OPCML: variants seen among roughly 807,000 people sequenced by gnomAD.
OPCML encodes opioid binding protein/cell adhesion molecule like.
In OPCML, 13 loss-of-function variants were observed where a neutral mutation model predicts 37.8. The ratio of observed to expected loss-of-function variants is 0.34; its 90% CI spans 0.22 to 0.55. The LOEUF (loss-of-function observed/expected upper bound fraction) is 0.55, where lower values mean the gene tolerates loss of function less well. Among genes scored for constraint, OPCML ranks in the 20% least tolerant of loss-of-function variants. The probability of loss-of-function intolerance (pLI) is 0.91; values close to 1 mark genes in which losing one functional copy is unlikely to be tolerated. For synonymous variants in OPCML, 176 were observed against 168.8 expected, an observed-to-expected ratio of 1.04 and a Z score of -0.33; for missense variants, 341 against 435.6, an observed-to-expected ratio of 0.78 and a Z score of 1.93.
intron 1 of OPCML, among the ~76,000 whole-genome samples, chr11:132,969,698 C>T (rs1160614069): frequency 1.3e-5 from 2 of 152,036 alleles, no homozygotes; most frequent in Non-Finnish European, 1.5e-5. Flanking sequence ...TATTACTGAG[C>T]CCCTCTCATA....
chr11:133,221,273 G>A (rs1939812022), intron 1 of OPCML, among the ~76,000 whole-genome samples: 2 of 152,290 alleles, frequency 1.3e-5, no homozygotes, highest in East Asian at 1.9e-4. Context: ...GAGTGACTTG[G>A]TCGAAGCAGG....
intron 1 of OPCML, among the ~76,000 whole-genome samples, chr11:132,996,317 A>G (rs895494853): frequency 6.6e-6 from 1 of 152,120 alleles, no homozygotes; most frequent in Non-Finnish European, 1.5e-5. Context: ...AAAGAGGGAT[A>G]AAGATTAAAA....
At chr11:132,601,148 C>A (rs1273296889) in intron 3 of OPCML, among the ~76,000 whole-genome samples, 2 of 152,082 alleles carry the variant, frequency 1.3e-5, no homozygotes, top group Non-Finnish European at 2.9e-5. Context: ...ACAAAAAATT[C>A]TGTAGCACCA....
At chr11:132,783,769 T>A (rs754055914) in intron 2 of OPCML, among the ~76,000 whole-genome samples, 2 of 152,194 alleles carry the variant, frequency 1.3e-5, no homozygotes, top group Non-Finnish European at 2.9e-5. Context: ...ATTAAAAATC[T>A]AAGTGAGACA....
intron 1 of OPCML, among the ~76,000 whole-genome samples, chr11:133,149,439 C>T (rs750955281): frequency 6.6e-6 from 1 of 152,204 alleles, no homozygotes; most frequent in Non-Finnish European, 1.5e-5. Flanking sequence ...CAGGCAACTG[C>T]TAGGCTTCCC....
chr11:132,850,471 G>A (rs1433414985), intron 2 of OPCML, among the ~76,000 whole-genome samples: 1 of 151,960 alleles, frequency 6.6e-6, no homozygotes, highest in Non-Finnish European at 1.5e-5. Flanking sequence ...CAGGGTGTTG[G>A]AAGTTAAACA....
chr11:133,160,911 G>T (rs549861605), intron 1 of OPCML, among the ~76,000 whole-genome samples: 1 of 152,210 alleles, frequency 6.6e-6, no homozygotes, highest in South Asian at 2.1e-4. Flanking sequence ...CCACGTGGCT[G>T]CTTACTGAGC....
At chr11:133,352,312 C>G (rs983587453) in intron 1 of OPCML, among the ~76,000 whole-genome samples, 12 of 152,190 alleles carry the variant, frequency 7.9e-5, no homozygotes, top group Admixed American at 2.0e-4. Flanking sequence ...TTTCTCACCC[C>G]CTGAAGCAAG....
intron 1 of OPCML, among the ~76,000 whole-genome samples, chr11:133,354,280 G>GTGGTGGTGGTAGTGGTGGTGATAGTGA (rs1944221226): frequency 3.6e-5 from 1 of 27,442 alleles, no homozygotes; most frequent in African/African-American, 1.4e-4. Context: ...GGTGGTGATA[G>GTGGTGGTGGTAGTGGTGGTGATAGTGA]TGATGGTGGT....
At chr11:133,029,730 G>C (rs939702886) in intron 1 of OPCML, among the ~76,000 whole-genome samples, 1 of 152,044 alleles carries the variant, frequency 6.6e-6, no homozygotes, top group Non-Finnish European at 1.5e-5. Context: ...AGTGTGAGGG[G>C]CAAGTGTTGA....
At chr11:133,133,758 C>G (rs1189274795) in intron 1 of OPCML, among the ~76,000 whole-genome samples, 1 of 152,136 alleles carries the variant, frequency 6.6e-6, no homozygotes, top group African/African-American at 2.4e-5. Context: ...GCCTTGCCAG[C>G]CCCTTTCCCA....
chr11:132,913,638 G>C (rs1481104013), intron 2 of OPCML, among the ~76,000 whole-genome samples: 1 of 152,084 alleles, frequency 6.6e-6, no homozygotes, highest in East Asian at 1.9e-4. Flanking sequence ...GCCTCCAAAG[G>C]TTGCACAGCT....
chr11:132,946,980 A>C (rs980868262), intron 1 of OPCML, among the ~76,000 whole-genome samples: 2 of 152,124 alleles, frequency 1.3e-5, no homozygotes, highest in Non-Finnish European at 2.9e-5. Flanking sequence ...GATTTTCTTC[A>C]GTTGCAGAGT....
At chr11:132,730,008 C>CTTTTTTT (rs11389495) in intron 2 of OPCML, among the ~76,000 whole-genome samples, 8 of 88,472 alleles carry the variant, frequency 9.0e-5, no homozygotes, top group Admixed American at 1.6e-4. Context: ...TTCTATGTGA[C>CTTTTTTT]TTTTTTTTTT....
chr11:133,508,898 C>T (rs567814430), intron 1 of OPCML, among the ~76,000 whole-genome samples: 2 of 152,260 alleles, frequency 1.3e-5, no homozygotes, highest in African/African-American at 2.4e-5. Context: ...CGGGACAGAG[C>T]GACAGGGCCT....
intron 1 of OPCML, among the ~76,000 whole-genome samples, chr11:133,510,326 G>A (rs1389568346): frequency 6.6e-6 from 1 of 152,212 alleles, no homozygotes; most frequent in Admixed American, 6.5e-5. Flanking sequence ...AAAGTGCACT[G>A]CCCAGAAGTA....
intron 2 of OPCML, among the ~76,000 whole-genome samples, chr11:132,811,325 C>T (rs1478408617): frequency 2.6e-5 from 4 of 152,158 alleles, no homozygotes; most frequent in Admixed American, 1.3e-4. Flanking sequence ...GATTTCAATT[C>T]TTTTCACCTT....
intron 2 of OPCML, among the ~76,000 whole-genome samples, chr11:132,811,868 C>T (rs949874925): frequency 7.2e-5 from 11 of 152,166 alleles, no homozygotes; most frequent in African/African-American, 1.2e-4. Flanking sequence ...AATAGGCAGA[C>T]GGATTAGAGC....
chr11:133,482,241 G>A (rs1265252083), intron 1 of OPCML, among the ~76,000 whole-genome samples: 4 of 152,144 alleles, frequency 2.6e-5, no homozygotes, highest in Non-Finnish European at 4.4e-5. Flanking sequence ...GATGCCAACG[G>A]TGTCATCAGT....
Sources: gnomAD v4.1 joint callset for allele counts (sites outside exome capture counted in the v4.1 genomes callset) on GRCh38, gnomAD v4.1.1 for gene constraint, MANE v1.5 for transcripts, NCBI Gene and HGNC (gene_info 2026-07-23, HGNC 2026-07-21) for gene names.